Variants in SORCS1 observed in about 807,000 individuals in gnomAD.
SORCS1 encodes the protein sortilin related VPS10 domain containing receptor 1.
A neutral mutation model predicts 146.1 loss-of-function variants in SORCS1; 60 were observed. The ratio of observed to expected loss-of-function variants is 0.41; its 90% CI spans 0.33 to 0.51. The LOEUF (loss-of-function observed/expected upper bound fraction) is 0.51. Among genes scored for constraint, SORCS1 ranks in the 20% least tolerant of loss-of-function variants. SORCS1 has a pLI of 0.21. For synonymous variants in SORCS1, 637 were observed against 584.0 expected, an observed-to-expected ratio of 1.09 and a Z score of -1.31; for missense variants, 1,352 against 1,487.6, an observed-to-expected ratio of 0.91 and a Z score of 1.50.
chr10:106,596,691 A>G (rs760386715), intron 24 of SORCS1, among the ~76,000 whole-genome samples: 10 of 152,196 alleles, frequency 6.6e-5, no homozygotes, highest in Non-Finnish European at 1.0e-4. Flanking sequence ...CCTGAAACGT[A>G]AAGAAAGAAA....
Position 106,725,175 on chromosome 10 carries a change from T to C in SORCS1, c.1024+4875A>G, listed in dbSNP as rs186793260. Among the ~76,000 whole-genome samples, 181 of 152,144 alleles carry C rather than the reference T, an allele frequency of 1.2e-3. 2 individuals carry two copies. The highest frequency in any genetic ancestry group is 1.7e-3 in the East Asian group (9 of 5,160). ...AAAACAAAACAAAATAAAAACATTA[T>C]ATTATTGTAAAGTATATTTGGCATA... On this transcript the variant is annotated intron_variant, in intron 6 of 25. Coordinates refer to ENST00000263054, the MANE Select transcript of SORCS1 (RefSeq NM_052918.5).
rs1208618589 is a variant in SORCS1, at chr10:106,714,156, A to AAG, written c.1025-4816_1025-4815insCT. Among the ~76,000 whole-genome samples, 9 of 150,628 alleles carry AAG rather than the reference A, an allele frequency of 6.0e-5. No homozygotes were observed. In the East Asian group the frequency reaches 1.7e-3, roughly 29 times the overall value. On this transcript the variant is annotated intron_variant, in intron 6 of 25. Transcript: ENST00000263054. ...GCCTCAAAAAAAAAAAAAAAAAAAA[A>AAG]AAAAAAAGATACCCTTTGACCTAGG... is the stretch of plus-strand genomic sequence containing the variant.
chr10:106,864,864 G>A (rs960533164), intron 2 of SORCS1, among the ~76,000 whole-genome samples: 5 of 152,198 alleles, frequency 3.3e-5, no homozygotes, highest in Non-Finnish European at 5.9e-5. Context: ...CTATGAAAAC[G>A]TGACTAGACT....
intron 1 of SORCS1, among the ~76,000 whole-genome samples, chr10:107,071,550 ATGAAAAATG>A (rs1290889395): frequency 2.0e-5 from 3 of 152,192 alleles, no homozygotes; most frequent in African/African-American, 7.2e-5. Flanking sequence ...AGTTGTTCTG[ATGAAAAATG>A]TGATCTTTTC....
chr10:106,994,972 C>T (rs1018467181), intron 1 of SORCS1, among the ~76,000 whole-genome samples: 2 of 151,958 alleles, frequency 1.3e-5, no homozygotes, highest in African/African-American at 4.8e-5. Context: ...AATAACTGAA[C>T]GTCGGAAAAT....
chr10:106,787,640 A>G (rs1346173785), intron 3 of SORCS1, among the ~76,000 whole-genome samples: 1 of 152,132 alleles, frequency 6.6e-6, no homozygotes, highest in African/African-American at 2.4e-5. Context: ...CAACACCCCA[A>G]AAGTATTTTG....
rs373892360 is a variant in SORCS1, at chr10:106,761,562, G to A, written c.959+26C>T. 3.7e-6 allele frequency: 6 copies of A among 1,600,400 alleles called. No individual in the cohort carries two copies. The Admixed American group carries it at 5.0e-5, about 13-fold the overall frequency. On this transcript the variant is annotated intron_variant, in intron 5 of 25. Coordinates refer to ENST00000263054, the MANE Select transcript of SORCS1 (RefSeq NM_052918.5). ...ATATCTGACTAGGTCATATCTTAATGTGCTACAAGATAAAGTGAGACTTAC... is the reference window on the plus strand; with the variant it reads ...ATATCTGACTAGGTCATATCTTAATATGCTACAAGATAAAGTGAGACTTAC...
intron 20 of SORCS1, 183 bp downstream of exon 20, chr10:106,620,245 G>GC: frequency 1.6e-6 from 1 of 624,402 alleles, no homozygotes; most frequent in Non-Finnish European, 2.5e-6. Context: ...GGTGGAGAGG[G>GC]GCCAGAGAGA....
At chr10:106,955,617 T>C (rs890856211) in intron 2 of SORCS1, among the ~76,000 whole-genome samples, 1 of 152,172 alleles carries the variant, frequency 6.6e-6, no homozygotes, top group Admixed American at 6.5e-5. Flanking sequence ...AAGATAAGGG[T>C]GTGCATGAGT....
chr10:106,627,948 A>T (rs1456938383), intron 19 of SORCS1, among the ~76,000 whole-genome samples: 1 of 152,184 alleles, frequency 6.6e-6, no homozygotes, highest in Non-Finnish European at 1.5e-5. Context: ...CTGAACCTCA[A>T]CACTTTTTGT....
chr10:106,859,126 C>T (rs937597673), intron 2 of SORCS1, among the ~76,000 whole-genome samples: 7 of 152,156 alleles, frequency 4.6e-5, no homozygotes, highest in African/African-American at 1.7e-4. Flanking sequence ...GCATAGGGCA[C>T]GTATTCCTTC....
chr10:106,896,439 A>G (rs940764517), intron 2 of SORCS1, among the ~76,000 whole-genome samples: 1 of 151,646 alleles, frequency 6.6e-6, no homozygotes, highest in African/African-American at 2.4e-5. Flanking sequence ...AAAAAAAAAA[A>G]AAAAAAAAGA....
intron 1 of SORCS1, among the ~76,000 whole-genome samples, chr10:106,984,530 A>T (rs1273749376): frequency 6.6e-6 from 1 of 151,200 alleles, no homozygotes; most frequent in East Asian, 2.0e-4. Context: ...AGTAGCTGGG[A>T]CTACAGGTGC....
At chr10:106,935,364 A>G (rs550864642) in intron 2 of SORCS1, among the ~76,000 whole-genome samples, 2 of 152,228 alleles carry the variant, frequency 1.3e-5, no homozygotes, top group Non-Finnish European at 2.9e-5. Context: ...GGTGGAGATA[A>G]TATTCTAATA....
chr10:106,721,913 G>A (rs2135944658), intron 6 of SORCS1, among the ~76,000 whole-genome samples: 1 of 152,208 alleles, frequency 6.6e-6, no homozygotes, highest in South Asian at 2.1e-4. Flanking sequence ...TTATAATGGA[G>A]TTCTATGTAT....
chr10:106,902,387 T>G (rs1404605842), intron 2 of SORCS1, among the ~76,000 whole-genome samples: 1 of 151,966 alleles, frequency 6.6e-6, no homozygotes, highest in East Asian at 1.9e-4. Context: ...TAATAGCTAA[T>G]TAAAAAGAAA....
chr10:107,032,366 A>AAG, intron 1 of SORCS1, among the ~76,000 whole-genome samples: 1 of 152,260 alleles, frequency 6.6e-6, no homozygotes, highest in South Asian at 2.1e-4. Context: ...AGATCCCCGC[A>AAG]GTGTTCATTG....
intron 1 of SORCS1, among the ~76,000 whole-genome samples, chr10:106,962,968 C>T (rs1955311427): frequency 6.6e-6 from 1 of 152,118 alleles, no homozygotes; most frequent in Admixed American, 6.5e-5. Flanking sequence ...TGCTGGAGAC[C>T]AATTGTTTAG....
intron 2 of SORCS1, among the ~76,000 whole-genome samples, chr10:106,842,803 G>A (rs1222666167): frequency 6.6e-6 from 1 of 151,078 alleles, no homozygotes; most frequent in Non-Finnish European, 1.5e-5. Flanking sequence ...AGTAGAGATG[G>A]GGTTTCACCA....
Sources: gnomAD v4.1 joint callset for allele counts (sites outside exome capture counted in the v4.1 genomes callset) on GRCh38, gnomAD v4.1.1 for gene constraint, MANE v1.5 for transcripts, NCBI Gene and HGNC (gene_info 2026-07-23, HGNC 2026-07-21) for gene names.